STAG1: variants seen among roughly 807,000 people sequenced by gnomAD.
STAG1 encodes cohesin subunit SA-1.
Under a neutral mutation model 170.9 loss-of-function variants are expected in STAG1, and 26 were observed. The observed-to-expected ratio is 0.15, with a 90% CI of 0.11 to 0.21. STAG1 has a LOEUF of 0.21. Ranked by LOEUF, STAG1 falls within the 10% of genes least tolerant of loss-of-function variation. The pLI is 1.00. For missense variants in STAG1, 964 were observed against 1,509.5 expected (o/e 0.64, Z 5.99); for synonymous variants, 514 against 497.7 (o/e 1.03, Z -0.44).
intron 1 of STAG1, among the ~76,000 whole-genome samples, chr3:136,663,669 A>G (rs1228458498): frequency 6.6e-6 from 1 of 152,256 alleles, no homozygotes; most frequent in East Asian, 1.9e-4. Context: ...TAAGTAAACT[A>G]TAAGGTTTCC....
At chr3:136,563,535 AACTCTCTC>A (rs1936926585) in intron 5 of STAG1, among the ~76,000 whole-genome samples, 1 of 149,060 alleles carries the variant, frequency 6.7e-6, no homozygotes, top group African/African-American at 2.5e-5. Context: ...CGCACGCACA[AACTCTCTC>A]TCTCTCTCTC....
intron 4 of STAG1, among the ~76,000 whole-genome samples, chr3:136,588,756 GT>G (rs561283750): frequency 6.6e-6 from 1 of 151,226 alleles, no homozygotes; most frequent in Non-Finnish European, 1.5e-5. Flanking sequence ...CCTATTTTCT[GT>G]TTTTTTTGTT....
At chr3:136,723,826 G>T (rs1933475764) in intron 1 of STAG1, among the ~76,000 whole-genome samples, 1 of 148,106 alleles carries the variant, frequency 6.8e-6, no homozygotes, top group Non-Finnish European at 1.5e-5. Flanking sequence ...CGTCCGGGAG[G>T]GAGGTGGGGG....
intron 1 of STAG1, among the ~76,000 whole-genome samples, chr3:136,654,617 A>C (rs905529232): frequency 1.3e-5 from 2 of 152,222 alleles, no homozygotes; most frequent in Non-Finnish European, 2.9e-5. Context: ...TTTTTGCAGA[A>C]ATAGAAAAAC....
At chr3:136,566,316 A>G (rs186186223) in intron 5 of STAG1, among the ~76,000 whole-genome samples, 60 of 152,306 alleles carry the variant, frequency 3.9e-4, no homozygotes, top group East Asian at 3.1e-3. Flanking sequence ...TACAACTAGA[A>G]GTTAGTATTC....
chr3:136,455,591 C>T (rs118127196), intron 13 of STAG1, among the ~76,000 whole-genome samples: 1,719 of 152,252 alleles, frequency 0.011, 30 homozygotes, highest in East Asian at 0.048. Flanking sequence ...ATCACAGCAA[C>T]TGGTGCACAT....
intron 16 of STAG1, among the ~76,000 whole-genome samples, chr3:136,432,632 G>A (rs750701802): frequency 4.6e-5 from 7 of 151,708 alleles, no homozygotes; most frequent in South Asian, 2.1e-4. Context: ...TCAGCCTCTC[G>A]AGTAGCTGGA....
intron 1 of STAG1, among the ~76,000 whole-genome samples, chr3:136,674,128 A>G (rs1444147682): frequency 4.9e-4 from 28 of 56,806 alleles, no homozygotes; most frequent in South Asian, 8.7e-4. Context: ...GGAGGGAGGG[A>G]GGGAGGGAAG....
chr3:136,682,848 GCCA>G (rs2107888754), intron 1 of STAG1, among the ~76,000 whole-genome samples: 1 of 152,268 alleles, frequency 6.6e-6, no homozygotes, highest in Non-Finnish European at 1.5e-5. Flanking sequence ...ATTCACAATA[GCCA>G]AAAGGCAGAA....
At chr3:136,749,439 C>G (rs1935115983) in intron 1 of STAG1, among the ~76,000 whole-genome samples, 1 of 152,108 alleles carries the variant, frequency 6.6e-6, no homozygotes, top group East Asian at 1.9e-4. Context: ...ATTGTGCCAA[C>G]AAGTAGTGAC....
At chr3:136,670,663 G>A (rs937617634) in intron 1 of STAG1, among the ~76,000 whole-genome samples, 5 of 152,018 alleles carry the variant, frequency 3.3e-5, no homozygotes, top group African/African-American at 1.2e-4. Context: ...TAGAGCCAAG[G>A]TTTCGCTATG....
At chr3:136,546,521 G>A (rs1230044269) in intron 5 of STAG1, among the ~76,000 whole-genome samples, 1 of 152,110 alleles carries the variant, frequency 6.6e-6, no homozygotes, top group East Asian at 1.9e-4. Context: ...GAAATAAAAT[G>A]ATAACAATAA....
intron 22 of STAG1, among the ~76,000 whole-genome samples, chr3:136,380,264 C>A (rs539742474): frequency 6.7e-6 from 1 of 149,350 alleles, no homozygotes; most frequent in Non-Finnish European, 1.5e-5. Flanking sequence ...TTTTTTGAGA[C>A]GGAGTCTCAC....
At chr3:136,563,849 T>C (rs1201956939) in intron 5 of STAG1, among the ~76,000 whole-genome samples, 1 of 151,968 alleles carries the variant, frequency 6.6e-6, no homozygotes, top group Non-Finnish European at 1.5e-5. Flanking sequence ...TGAAACCCCA[T>C]CTCTACTAAA....
intron 21 of STAG1, among the ~76,000 whole-genome samples, chr3:136,413,605 T>C (rs773677454): frequency 2.0e-5 from 3 of 151,998 alleles, no homozygotes; most frequent in Non-Finnish European, 2.9e-5. Flanking sequence ...ATTACAGACA[T>C]GTGCCACCAT....
intron 1 of STAG1, among the ~76,000 whole-genome samples, chr3:136,649,503 CAAAAAAAA>C (rs761067087): frequency 7.1e-4 from 50 of 70,876 alleles, no homozygotes; most frequent in Middle Eastern, 0.01. Context: ...AAAACAGAAA[CAAAAAAAA>C]AAAAAAAAAA....
At position 136,692,699 on chromosome 3, in the gene STAG1, A is replaced by G. The variant is rs1290391770; in HGVS notation, c.-84+59496T>C. Among the ~76,000 whole-genome samples, 4 of 152,192 alleles carry G rather than the reference A, an allele frequency of 2.6e-5. No individual in the cohort carries two copies. In the South Asian group the frequency reaches 6.2e-4, roughly 24 times the overall value. On this transcript the variant is annotated intron_variant, in intron 1 of 33. Coordinates refer to ENST00000383202, the MANE Select transcript of STAG1 (RefSeq NM_005862.3). ...AGTTGATATGAAAGTAAGGTGTTCT[A>G]AACAAATCTCTACCCTCAACCATGA...
chr3:136,684,488 G>A (rs1399640646), intron 1 of STAG1, among the ~76,000 whole-genome samples: 1 of 152,138 alleles, frequency 6.6e-6, no homozygotes, highest in Non-Finnish European at 1.5e-5. Flanking sequence ...ATTGGCTCGC[G>A]CCTGTAATTC....
At chr3:136,457,607 T>G (rs1259732904) in intron 13 of STAG1, among the ~76,000 whole-genome samples, 8 of 152,156 alleles carry the variant, frequency 5.3e-5, no homozygotes, top group Non-Finnish European at 7.3e-5. Flanking sequence ...TTCCTTTGAC[T>G]CTGCTGGACT....
Sources: gnomAD v4.1 joint callset for allele counts (sites outside exome capture counted in the v4.1 genomes callset) on GRCh38, gnomAD v4.1.1 for gene constraint, MANE v1.5 for transcripts, NCBI Gene and HGNC (gene_info 2026-07-23, HGNC 2026-07-21) for gene names.